The following CLVS2 variants were observed in gnomAD, a reference collection of about 807,000 sequenced individuals.
CLVS2 encodes clavesin-2.
CLVS2 carries 19 observed loss-of-function variants against 29.0 expected under a neutral mutation model. That is an observed-to-expected ratio of 0.66 (90% CI 0.46 to 0.96). The LOEUF is 0.96. Ranked by LOEUF, CLVS2 falls within the 40% of genes least tolerant of loss-of-function variation. The pLI is 0.00. For missense variants in CLVS2, 294 were observed against 404.1 expected, an observed-to-expected ratio of 0.73 and a Z score of 2.34; for synonymous variants, 161 against 151.3, an observed-to-expected ratio of 1.06 and a Z score of -0.47.
At chr6:123,023,948 T>A (rs544354994) in intron 3 of CLVS2, among the ~76,000 whole-genome samples, 2 of 152,268 alleles carry the variant, frequency 1.3e-5, no homozygotes, top group Admixed American at 1.3e-4. Flanking sequence ...TCCTATAAGG[T>A]TAAAATCAGC....
At chr6:123,035,335 C>T (rs139909260) in intron 3 of CLVS2, among the ~76,000 whole-genome samples, 117 of 150,978 alleles carry the variant, frequency 7.7e-4, no homozygotes, top group African/African-American at 2.6e-3. Context: ...CATACCCATA[C>T]AAACATGAAC....
chr6:123,018,668 CTTTT>C (rs5879660), intron 3 of CLVS2, among the ~76,000 whole-genome samples: 2,484 of 138,360 alleles, frequency 0.018, 30 homozygotes, highest in African/African-American at 0.027. Flanking sequence ...TTCTGAATAG[CTTTT>C]TTTTTTTTTT....
chr6:123,055,262 T>A (rs950637780), intron 4 of CLVS2, among the ~76,000 whole-genome samples: 2 of 152,216 alleles, frequency 1.3e-5, no homozygotes, highest in Non-Finnish European at 2.9e-5. Context: ...CTACTTTGGT[T>A]ATTTACATCA....
chr6:123,031,522 C>T (rs1001376801), intron 3 of CLVS2, among the ~76,000 whole-genome samples: 16 of 152,194 alleles, frequency 1.1e-4, no homozygotes, highest in African/African-American at 3.6e-4. Context: ...GTTTTCACCA[C>T]ACACACATAC....
intron 3 of CLVS2, among the ~76,000 whole-genome samples, chr6:123,021,329 A>T (rs566218167): frequency 3.9e-4 from 59 of 152,148 alleles, no homozygotes; most frequent in African/African-American, 1.4e-3. Flanking sequence ...ATCTCTCTGT[A>T]AAAGATTTTA....
rs1285173835 is a variant in CLVS2 at position 123,010,984 on chromosome 6, G to A, written c.390-1G>A. The A allele has an allele frequency of 6.6e-7, 1 of 1,514,448 alleles. No individual in the cohort carries two copies. The highest frequency in any genetic ancestry group is 8.9e-7 in the Non-Finnish European group (1 of 1,125,432). 93.8% of individuals were successfully genotyped at this position (1,514,448 alleles called of 1,614,324 possible). On this transcript the variant is annotated splice_acceptor_variant, in intron 2 of 5. Transcript: ENST00000275162. LOFTEE classifies it high-confidence loss of function. Reference sequence around the variant, plus strand: ...ATTTAGTACTTTTCTGTCGCCGATAGGTACACACTGGTGGATATTTTGCGT... The same window carrying A: ...ATTTAGTACTTTTCTGTCGCCGATAAGTACACACTGGTGGATATTTTGCGT...
intron 4 of CLVS2, among the ~76,000 whole-genome samples, chr6:123,055,428 A>G (rs1772679136): frequency 6.6e-6 from 1 of 152,238 alleles, no homozygotes. Context: ...CTGTTTTCAC[A>G]GCATTCATTA....
At chr6:123,037,542 A>G (rs1384520468) in intron 3 of CLVS2, among the ~76,000 whole-genome samples, 3 of 152,198 alleles carry the variant, frequency 2.0e-5, no homozygotes, top group East Asian at 1.9e-4. Context: ...CTTCTGCTCT[A>G]AGAAATGTGC....
At chr6:123,016,533 CTG>C (rs1322886683) in intron 3 of CLVS2, among the ~76,000 whole-genome samples, 1 of 152,006 alleles carries the variant, frequency 6.6e-6, no homozygotes, top group Admixed American at 6.6e-5. Flanking sequence ...TACTGGGTCT[CTG>C]TGCTTTTGCC....
intron 3 of CLVS2, among the ~76,000 whole-genome samples, chr6:123,015,604 C>A (rs73543759): frequency 5.3e-5 from 8 of 152,154 alleles, no homozygotes; most frequent in African/African-American, 1.9e-4. Flanking sequence ...ATCAAAGTAA[C>A]TTCTCCCACC....
At chr6:123,001,870 A>G (rs4330549) in intron 2 of CLVS2, among the ~76,000 whole-genome samples, 111,257 of 152,124 alleles carry the variant, frequency 0.73, 41,159 homozygotes, top group East Asian at 0.91. Flanking sequence ...CCACTGTCAC[A>G]TAATTGTTGG....
chr6:123,028,205 G>A (rs1003229202), intron 3 of CLVS2, among the ~76,000 whole-genome samples: 2 of 150,576 alleles, frequency 1.3e-5, no homozygotes, highest in African/African-American at 4.9e-5. Context: ...CTATTTCTTG[G>A]CATTCTGTGT....
chr6:123,037,385 A>T (rs1341568450), intron 3 of CLVS2, among the ~76,000 whole-genome samples: 1 of 152,110 alleles, frequency 6.6e-6, no homozygotes, highest in Non-Finnish European at 1.5e-5. Context: ...TATGACTCAG[A>T]TTTGGGCTCT....
At chr6:123,053,417 T>C (rs868594753) in intron 4 of CLVS2, among the ~76,000 whole-genome samples, 33 of 152,094 alleles carry the variant, frequency 2.2e-4, no homozygotes, top group South Asian at 1.0e-3. Flanking sequence ...GTATTTAGGA[T>C]GGTAGAAGAA....
At chr6:123,033,076 G>C (rs1775105640) in intron 3 of CLVS2, among the ~76,000 whole-genome samples, 1 of 151,702 alleles carries the variant, frequency 6.6e-6, no homozygotes, top group African/African-American at 2.4e-5. Flanking sequence ...TCATTTTCAT[G>C]GTGGCATATT....
rs775997076 is a variant in CLVS2 at position 123,066,968 on chromosome 6, C to T, written c.*3207C>T. ...CGTGGCACTAGGCTAAAACGATATA[C>T]GAGTATTAAACAGAGTTTTGCAAGC... On this transcript the variant is annotated 3_prime_UTR_variant, in exon 6 of 6. Transcript: ENST00000275162. 3.3e-5 allele frequency: 5 copies of T among 151,710 alleles called. No individual in the cohort carries two copies. The highest frequency in any genetic ancestry group is 1.3e-4 in the Admixed American group (2 of 15,188). The allele number at this position is 151,710 out of a possible 1,614,324, so 9.4% of individuals were successfully genotyped here.
intron 2 of CLVS2, among the ~76,000 whole-genome samples, chr6:123,000,528 T>C (rs974818748): frequency 6.6e-6 from 1 of 152,200 alleles, no homozygotes; most frequent in African/African-American, 2.4e-5. Flanking sequence ...CCAACACTTC[T>C]TAGCCTGAGT....
chr6:122,996,473 GC>G lies in CLVS2; in HGVS notation c.-831del, dbSNP rs1449566909. ...CTCTCCCGAAGGCGAAAATGGCAGG[GC>G]CAGGCGAGAACCTGGGACAGCGGTG... On this transcript the variant is annotated 5_prime_UTR_variant, in exon 1 of 6. It removes the in-frame stop codon of an upstream open reading frame in the 5' UTR. Coordinates refer to ENST00000275162, the MANE Select transcript of CLVS2 (RefSeq NM_001010852.4). The G allele has an allele frequency of 6.5e-6, 1 of 152,918 alleles. No homozygotes were observed. Among genetic ancestry groups the G allele is most frequent in the Non-Finnish European group, 1.5e-5 (1 of 68,332 alleles). 9.5% of individuals were successfully genotyped at this position (152,918 alleles called of 1,614,324 possible). A position where few individuals can be genotyped will look rare whatever the true frequency, so the allele number is the denominator to read the frequency against.
At position 123,063,874 on chromosome 6, in the gene CLVS2, T is replaced by C; in HGVS notation, c.*113T>C. ...GGAAACCGACTTATTCATGTTAATGTAGCATAATATATAACAAGGCATCAG... is the reference window on the plus strand; with the variant it reads ...GGAAACCGACTTATTCATGTTAATGCAGCATAATATATAACAAGGCATCAG... On this transcript the variant is annotated 3_prime_UTR_variant, in exon 6 of 6. Coordinates refer to ENST00000275162, the MANE Select transcript of CLVS2 (RefSeq NM_001010852.4). 3.0e-6 allele frequency: 2 copies of C among 667,962 alleles called. No homozygotes were observed. The highest frequency in any genetic ancestry group is 5.2e-6 in the Non-Finnish European group (2 of 387,440). The allele number at this position is 667,962 out of a possible 1,614,324, so 41.4% of individuals were successfully genotyped here. A position where few individuals can be genotyped will look rare whatever the true frequency, so the allele number is the denominator to read the frequency against.
Sources: gnomAD v4.1 joint callset for allele counts (sites outside exome capture counted in the v4.1 genomes callset) on GRCh38, gnomAD v4.1.1 for gene constraint, MANE v1.5 for transcripts, NCBI Gene and HGNC (gene_info 2026-07-23, HGNC 2026-07-21) for gene names.